Variants in RAD51B observed in about 807,000 individuals in gnomAD.
The protein encoded by RAD51B is DNA repair protein RAD51 homolog 2.
RAD51B carries 38 observed loss-of-function variants against 42.2 expected under a neutral mutation model. The ratio of observed to expected loss-of-function variants is 0.90; its 90% CI spans 0.70 to 1.18. The LOEUF (loss-of-function observed/expected upper bound fraction) is 1.18, where lower values mean the gene tolerates loss of function less well. RAD51B is among the 50% of genes most tolerant of loss of function. RAD51B has a pLI of 0.00. For synonymous variants in RAD51B, 154 were observed against 145.2 expected, an observed-to-expected ratio of 1.06 and a Z score of -0.43; for missense variants, 373 against 400.7, an observed-to-expected ratio of 0.93 and a Z score of 0.59.
In RAD51B at chr14:68,162,032, C is replaced by T. The variant is rs967603929; in HGVS notation, c.757-129852C>T. ...TTCCTCACAACAAAGAATTACCCAG[C>T]CTAAAATGTCAGTAGTGGTAAGGTT... On this transcript the variant is annotated intron_variant, in intron 7 of 10. Coordinates refer to ENST00000471583, the MANE Select transcript of RAD51B (RefSeq NM_133510.4). Among the ~76,000 whole-genome samples the T allele has an allele frequency of 5.3e-5, 8 of 152,150 alleles. No individual in the cohort carries two copies. The East Asian group carries it at 5.8e-4, about 11-fold the overall frequency.
At chr14:68,512,359 C>T (rs564627100) in intron 10 of RAD51B, among the ~76,000 whole-genome samples, 6 of 152,340 alleles carry the variant, frequency 3.9e-5, no homozygotes, top group South Asian at 2.1e-4. Flanking sequence ...TCTCCTCCTA[C>T]GGTTTGCTTG....
At chr14:68,070,113 C>G (rs1015497027) in intron 7 of RAD51B, among the ~76,000 whole-genome samples, 2 of 151,680 alleles carry the variant, frequency 1.3e-5, no homozygotes, top group Non-Finnish European at 2.9e-5. Flanking sequence ...TGTACTTTGC[C>G]CGTTTTTTAA....
At chr14:68,061,499 A>C (rs113912291) in intron 7 of RAD51B, among the ~76,000 whole-genome samples, 1 of 152,108 alleles carries the variant, frequency 6.6e-6, no homozygotes, top group Non-Finnish European at 1.5e-5. Flanking sequence ...GGTCATTTTA[A>C]TATTTTTTAG....
At position 67,968,064 on chromosome 14, in the gene RAD51B, C is replaced by A. The variant is rs193025079; in HGVS notation, c.756+80860C>A. Among the ~76,000 whole-genome samples the A allele has an allele frequency of 1.3e-5, 2 of 152,242 alleles. 1 individual carries two copies. Among genetic ancestry groups the A allele is most frequent in the African/African-American group, 4.8e-5 (2 of 41,464 alleles). On this transcript the variant is annotated intron_variant, in intron 7 of 10. Transcript: ENST00000471583. ...TGCACCTGCAGGCTCAACACCACATCGAAGCTACCAAGGTTTGGAGCTTGT... is the reference window on the plus strand; with the variant it reads ...TGCACCTGCAGGCTCAACACCACATAGAAGCTACCAAGGTTTGGAGCTTGT...
chr14:68,668,522 G>A (rs1486074563), intron 11 of RAD51B, among the ~76,000 whole-genome samples: 7 of 152,236 alleles, frequency 4.6e-5, no homozygotes, highest in African/African-American at 1.7e-4. Flanking sequence ...GTCTTTAAAA[G>A]CATCACAGCA....
At chr14:67,896,770 T>C (rs182145092) in intron 7 of RAD51B, among the ~76,000 whole-genome samples, 2 of 152,224 alleles carry the variant, frequency 1.3e-5, no homozygotes, top group African/African-American at 4.8e-5. Context: ...TTCTTGAATG[T>C]AGTTCACTTA....
intron 7 of RAD51B, among the ~76,000 whole-genome samples, chr14:68,197,923 G>A (rs1034393718): frequency 6.6e-6 from 1 of 152,042 alleles, no homozygotes; most frequent in African/African-American, 2.4e-5. Flanking sequence ...TGTCCTCGCA[G>A]TCCGTGGCTT....
chr14:68,544,805 C>T (rs1421612591), intron 10 of RAD51B, among the ~76,000 whole-genome samples: 1 of 152,148 alleles, frequency 6.6e-6, no homozygotes, highest in Non-Finnish European at 1.5e-5. Flanking sequence ...TTTATTCTTA[C>T]CTTTAATCAG....
intron 7 of RAD51B, among the ~76,000 whole-genome samples, chr14:68,025,011 G>A (rs1050185104): frequency 2.0e-5 from 3 of 151,870 alleles, no homozygotes; most frequent in African/African-American, 7.3e-5. Context: ...TTATTTTGAA[G>A]TATATTCCTT....
chr14:68,316,595 C>T (rs1020862012), intron 8 of RAD51B, among the ~76,000 whole-genome samples: 4 of 152,104 alleles, frequency 2.6e-5, no homozygotes, highest in Admixed American at 2.0e-4. Flanking sequence ...TATTCTGTGG[C>T]GACTCTCCTT....
At chr14:67,851,267 C>A (rs2041796977) in intron 4 of RAD51B, among the ~76,000 whole-genome samples, 1 of 151,980 alleles carries the variant, frequency 6.6e-6, no homozygotes, top group Admixed American at 6.5e-5. Flanking sequence ...CTTGATGGGG[C>A]TGGATTGTTG....
downstream of RAD51B, among the ~76,000 whole-genome samples, chr14:68,615,289 A>G (rs1356280326): frequency 6.6e-6 from 1 of 152,026 alleles, no homozygotes; most frequent in Admixed American, 6.6e-5. Flanking sequence ...TGATTCATAT[A>G]TTATGAAGTT....
chr14:68,027,493 C>A (rs570198172), intron 7 of RAD51B, among the ~76,000 whole-genome samples: 15 of 152,136 alleles, frequency 9.9e-5, no homozygotes, highest in African/African-American at 3.6e-4. Context: ...GATTTGATCT[C>A]TTTACATGCG....
Position 67,828,628 on chromosome 14 carries a change from CATTCAAGTCTTTA to C in RAD51B, c.198+3054_198+3066del, listed in dbSNP as rs569341241. 8.5e-4 allele frequency among the ~76,000 whole-genome samples: 129 copies of C among 152,158 alleles called. 1 individual carries two copies. Among genetic ancestry groups the C allele is most frequent in the African/African-American group, 3.1e-3 (128 of 41,512 alleles). On this transcript the variant is annotated intron_variant, in intron 3 of 10. Transcript: ENST00000471583. ...TTTTTTCCTATAGTTTTGGATTTTA[CATTCAAGTCTTTA>C]ATCCATTTTGAGTCAATTTTTGTGT...
At chr14:68,070,816 A>T (rs2076728857) in intron 7 of RAD51B, among the ~76,000 whole-genome samples, 1 of 151,298 alleles carries the variant, frequency 6.6e-6, no homozygotes, top group Non-Finnish European at 1.5e-5. Context: ...TAATTATGTG[A>T]AACATGTCAT....
At chr14:68,062,192 A>T (rs1478459000) in intron 7 of RAD51B, among the ~76,000 whole-genome samples, 1 of 152,164 alleles carries the variant, frequency 6.6e-6, no homozygotes, top group Non-Finnish European at 1.5e-5. Context: ...ATGAGGTGTC[A>T]TGTTTATTGA....
chr14:68,410,770 A>G (rs960517921), intron 8 of RAD51B, among the ~76,000 whole-genome samples: 1 of 152,166 alleles, frequency 6.6e-6, no homozygotes, highest in African/African-American at 2.4e-5. Flanking sequence ...TGGAGATGTA[A>G]GATGCAATTT....
chr14:67,878,802 C>A (rs146867014), intron 5 of RAD51B, among the ~76,000 whole-genome samples: 1 of 151,960 alleles, frequency 6.6e-6, no homozygotes, highest in Non-Finnish European at 1.5e-5. Flanking sequence ...TGGGTTCAAG[C>A]GATTCTCCTT....
intron 4 of RAD51B, among the ~76,000 whole-genome samples, chr14:67,858,592 G>A (rs1322158244): frequency 1.3e-5 from 2 of 152,214 alleles, no homozygotes; most frequent in Admixed American, 6.5e-5. Flanking sequence ...TGTGGAAAAC[G>A]AATTAGGAAA....
Sources: allele counts gnomAD v4.1 joint callset (sites outside exome capture counted in the v4.1 genomes callset), GRCh38; gene constraint gnomAD v4.1.1; transcripts MANE v1.5; gene names NCBI Gene and HGNC (gene_info 2026-07-23, HGNC 2026-07-21).